SORCS1: variants seen among roughly 807,000 people sequenced by gnomAD.
SORCS1 encodes the protein sortilin related VPS10 domain containing receptor 1, also known as VPS10 domain-containing receptor SorCS1.
In SORCS1, 60 loss-of-function variants were observed where a neutral mutation model predicts 146.1. That is an observed-to-expected ratio of 0.41 (90% confidence interval 0.33 to 0.51). The LOEUF (loss-of-function observed/expected upper bound fraction) is 0.51. SORCS1 is among the 20% of genes least tolerant of loss of function. SORCS1 has a pLI of 0.21. For synonymous variants in SORCS1, 637 were observed against 584.0 expected (o/e 1.09, Z -1.31); for missense variants, 1,352 against 1,487.6 (o/e 0.91, Z 1.50).
chr10:106,640,711 A>G (rs76842770), intron 18 of SORCS1, among the ~76,000 whole-genome samples: 9,859 of 152,204 alleles, frequency 0.065, 426 homozygotes, highest in Non-Finnish European at 0.094. Flanking sequence ...TTGTGTTGAA[A>G]GTCTATAGGC....
At chr10:106,743,049 C>A (rs1589784200) in intron 5 of SORCS1, among the ~76,000 whole-genome samples, 1 of 152,152 alleles carries the variant, frequency 6.6e-6, no homozygotes, top group Non-Finnish European at 1.5e-5. Flanking sequence ...GAAAAACACA[C>A]CTCTTAATTT....
chr10:106,621,727 C>G (rs1847759590), intron 19 of SORCS1, among the ~76,000 whole-genome samples: 1 of 151,960 alleles, frequency 6.6e-6, no homozygotes, highest in Non-Finnish European at 1.5e-5. Flanking sequence ...ACTCCAGAAA[C>G]AGAAAGTCAA....
At chr10:106,671,107 A>G in intron 16 of SORCS1, 130 bp downstream of exon 16, 1 of 1,264,074 alleles carries the variant, frequency 7.9e-7, no homozygotes, top group Non-Finnish European at 1.1e-6. Flanking sequence ...CTATGAGGTA[A>G]TTTTATAAGA....
At chr10:107,057,178 A>C (rs1205127991) in intron 1 of SORCS1, among the ~76,000 whole-genome samples, 1 of 152,234 alleles carries the variant, frequency 6.6e-6, no homozygotes, top group Non-Finnish European at 1.5e-5. Context: ...GTTGATTCTT[A>C]AATCATCAGT....
intron 17 of SORCS1, among the ~76,000 whole-genome samples, chr10:106,654,976 C>T (rs1589581050): frequency 1.3e-5 from 2 of 152,098 alleles, no homozygotes; most frequent in African/African-American, 4.8e-5. Flanking sequence ...CTCGCCTCAG[C>T]CATCCAAGTA....
intron 1 of SORCS1, among the ~76,000 whole-genome samples, chr10:107,007,070 GTAAT>G (rs1292105663): frequency 6.6e-6 from 1 of 152,104 alleles, no homozygotes; most frequent in Non-Finnish European, 1.5e-5. Flanking sequence ...CAATTTTGTA[GTAAT>G]TAGTTTTTGT....
At chr10:107,034,103 G>GAGA (rs1393197331) in intron 1 of SORCS1, among the ~76,000 whole-genome samples, 1 of 152,210 alleles carries the variant, frequency 6.6e-6, no homozygotes, top group East Asian at 1.9e-4. Context: ...AGAGAACAGA[G>GAGA]ATAGGCTGAT....
At chr10:106,693,495 A>G (rs774803144) in intron 9 of SORCS1, among the ~76,000 whole-genome samples, 3 of 152,216 alleles carry the variant, frequency 2.0e-5, no homozygotes, top group Non-Finnish European at 2.9e-5. Context: ...ATTGTATTTT[A>G]TTCAGTCGTT....
intron 6 of SORCS1, among the ~76,000 whole-genome samples, chr10:106,723,416 C>CACAA (rs1589740329): frequency 6.6e-6 from 1 of 151,840 alleles, no homozygotes; most frequent in Non-Finnish European, 1.5e-5. Flanking sequence ...CACACACACA[C>CACAA]ACAGAATATT....
chr10:106,929,513 T>A (rs889544323), intron 2 of SORCS1, among the ~76,000 whole-genome samples: 1 of 152,188 alleles, frequency 6.6e-6, no homozygotes, highest in African/African-American at 2.4e-5. Flanking sequence ...TCTTTTCTTT[T>A]TCCGTCTCTA....
At chr10:106,676,914 C>T (rs1179471470) in intron 13 of SORCS1, among the ~76,000 whole-genome samples, 1 of 152,160 alleles carries the variant, frequency 6.6e-6, no homozygotes, top group Non-Finnish European at 1.5e-5. Context: ...AGACTACTTA[C>T]CCATCATGAT....
chr10:106,788,455 G>C (rs1177327011), intron 3 of SORCS1, among the ~76,000 whole-genome samples: 22 of 152,140 alleles, frequency 1.4e-4, no homozygotes, highest in Admixed American at 1.4e-3. Context: ...AAAATCAAAA[G>C]CAAGTTAGTT....
intron 5 of SORCS1, among the ~76,000 whole-genome samples, chr10:106,751,213 C>G (rs1178706900): frequency 1.3e-5 from 2 of 151,940 alleles, no homozygotes; most frequent in African/African-American, 2.4e-5. Flanking sequence ...TCTAGCACTC[C>G]TAGTGCAGGC....
intron 2 of SORCS1, among the ~76,000 whole-genome samples, chr10:106,936,540 C>T (rs933556333): frequency 4.6e-5 from 7 of 152,192 alleles, no homozygotes; most frequent in Non-Finnish European, 1.0e-4. Flanking sequence ...TGAGATCCTA[C>T]TATTCATCTG....
intron 3 of SORCS1, among the ~76,000 whole-genome samples, chr10:106,812,050 G>A (rs976740473): frequency 6.6e-6 from 1 of 152,096 alleles, no homozygotes; most frequent in African/African-American, 2.4e-5. Context: ...GCCCAGGCTG[G>A]AGTGCAGTGG....
At chr10:106,643,653 T>C (rs2133694953) in intron 18 of SORCS1, among the ~76,000 whole-genome samples, 1 of 152,392 alleles carries the variant, frequency 6.6e-6, no homozygotes, top group Admixed American at 6.5e-5. Context: ...TGGAGTGAAC[T>C]GACTTGTTAT....
intron 24 of SORCS1, among the ~76,000 whole-genome samples, chr10:106,594,035 T>C (rs532468595): frequency 6.6e-6 from 1 of 152,366 alleles, no homozygotes; most frequent in South Asian, 2.1e-4. Context: ...GGGATTAACA[T>C]ATCATGGTTA....
chr10:106,883,000 C>A (rs1261245305), intron 2 of SORCS1, among the ~76,000 whole-genome samples: 2 of 152,184 alleles, frequency 1.3e-5, no homozygotes, highest in African/African-American at 4.8e-5. Flanking sequence ...AACATTTCGA[C>A]TACAAAAGCC....
chr10:106,802,121 C>T (rs548581808), intron 3 of SORCS1, among the ~76,000 whole-genome samples: 5 of 152,116 alleles, frequency 3.3e-5, no homozygotes, highest in Non-Finnish European at 5.9e-5. Context: ...GTCATATCTT[C>T]TAAGACAGAA....
Sources: gnomAD v4.1 joint callset for allele counts (sites outside exome capture counted in the v4.1 genomes callset) on GRCh38, gnomAD v4.1.1 for gene constraint, MANE v1.5 for transcripts, NCBI Gene and HGNC (gene_info 2026-07-23, HGNC 2026-07-21) for gene names.